Variants in CEP83 observed in about 807,000 individuals in gnomAD.
The protein encoded by CEP83 is centrosomal protein 83, also known as centrosomal protein of 83 kDa.
Under a neutral mutation model 101.9 loss-of-function variants are expected in CEP83, and 70 were observed. The ratio of observed to expected loss-of-function variants is 0.69; its 90% CI spans 0.57 to 0.84. The LOEUF (loss-of-function observed/expected upper bound fraction) is 0.84. Among genes scored for constraint, CEP83 ranks in the 40% least tolerant of loss-of-function variants. CEP83 has a pLI of 0.00. For synonymous variants in CEP83, 264 were observed against 267.9 expected (o/e 0.99, Z 0.14); for missense variants, 715 against 787.2 (o/e 0.91, Z 1.10).
chr12:94,396,864 T>G (rs917966352), intron 6 of CEP83, among the ~76,000 whole-genome samples: 7 of 152,228 alleles, frequency 4.6e-5, no homozygotes, highest in African/African-American at 1.7e-4. Context: ...TACACTAGTT[T>G]AAATTGTAAA....
chr12:94,455,857 C>T (rs1410003238), intron 1 of CEP83, among the ~76,000 whole-genome samples: 1 of 151,930 alleles, frequency 6.6e-6, no homozygotes, highest in Non-Finnish European at 1.5e-5. Context: ...ACCAGCCTGG[C>T]CAATGTGGTG....
chr12:94,305,356 ACT>A, downstream of CEP83: 1 of 831,650 alleles, frequency 1.2e-6, no homozygotes, highest in Non-Finnish European at 2.0e-6. Flanking sequence ...TGCTTGAGCT[ACT>A]CTGTGTCGTT....
rs377219975 is a variant in CEP83, at chr12:94,339,752, G to A, written c.1344-4088C>T. Among the ~76,000 whole-genome samples the A allele has an allele frequency of 4.6e-5, 7 of 152,278 alleles. 1 individual carries two copies. The highest frequency in any genetic ancestry group is 1.7e-4 in the African/African-American group (7 of 41,560). ...CCTTCTGAAAGCATGGTTCTTGCTT[G>A]TGAGCACTGGAAATTGACACTGGCC... On this transcript the variant is annotated intron_variant, in intron 11 of 16. Coordinates refer to ENST00000397809, the MANE Select transcript of CEP83 (RefSeq NM_016122.3).
chr12:94,418,702 T>C (rs566597707), intron 2 of CEP83, among the ~76,000 whole-genome samples: 8 of 152,302 alleles, frequency 5.3e-5, no homozygotes, highest in African/African-American at 9.6e-5. Flanking sequence ...AAGGTTTTCT[T>C]TGATGTGGTA....
intron 2 of CEP83, among the ~76,000 whole-genome samples, chr12:94,433,203 G>A (rs942917802): frequency 4.6e-4 from 70 of 152,086 alleles, no homozygotes; most frequent in African/African-American, 1.6e-3. Context: ...CTTTTAGATG[G>A]ATAGAAGACA....
chr12:94,349,052 G>A (rs568614239), intron 11 of CEP83, among the ~76,000 whole-genome samples: 7 of 152,200 alleles, frequency 4.6e-5, no homozygotes, highest in Non-Finnish European at 8.8e-5. Flanking sequence ...TTGGGAGGCC[G>A]AGGTGGGTGG....
the CEP83 span, among the ~76,000 whole-genome samples, chr12:94,286,831 CAG>C: frequency 7.9e-5 from 12 of 152,098 alleles, no homozygotes; most frequent in Non-Finnish European, 1.2e-4. Context: ...TTAGGGCAAA[CAG>C]AGTGTAGCTG....
At chr12:94,351,921 C>T (rs1316917305) in intron 11 of CEP83, among the ~76,000 whole-genome samples, 1 of 152,230 alleles carries the variant, frequency 6.6e-6, no homozygotes, top group African/African-American at 2.4e-5. Flanking sequence ...CACTGAGGTA[C>T]TTGCAGACAC....
the CEP83 span, among the ~76,000 whole-genome samples, chr12:94,291,818 C>T: frequency 1.1e-4 from 17 of 152,148 alleles, no homozygotes; most frequent in Non-Finnish European, 1.5e-4. Context: ...CAAGGGTATA[C>T]TGCATGATGC....
intron 11 of CEP83, among the ~76,000 whole-genome samples, chr12:94,341,851 T>C (rs998406129): frequency 1.3e-5 from 2 of 152,318 alleles, no homozygotes; most frequent in African/African-American, 4.8e-5. Flanking sequence ...TTTATCACTA[T>C]GGCAACAGAA....
chr12:94,335,987 G>A (rs1292266288), intron 11 of CEP83: 1 of 217,130 alleles, frequency 4.6e-6, no homozygotes. Flanking sequence ...TGAAAAAGTG[G>A]CCTTTCATGG....
the CEP83 span, among the ~76,000 whole-genome samples, chr12:94,287,445 C>T: frequency 2.6e-5 from 4 of 152,286 alleles, no homozygotes; most frequent in South Asian, 4.1e-4. Flanking sequence ...TCCTCTCACT[C>T]GCACCCTGCT....
chr12:94,376,682 T>C (rs1470188893), intron 7 of CEP83, among the ~76,000 whole-genome samples: 2 of 125,958 alleles, frequency 1.6e-5, no homozygotes, highest in African/African-American at 3.4e-5. Context: ...ATAATATATA[T>C]ACATATATAC....
intron 2 of CEP83, among the ~76,000 whole-genome samples, chr12:94,417,035 T>TA (rs1420031749): frequency 7.9e-5 from 12 of 152,192 alleles, no homozygotes; most frequent in African/African-American, 2.9e-4. Flanking sequence ...CTCGACTTGC[T>TA]AGGCACTATG....
intron 6 of CEP83, among the ~76,000 whole-genome samples, chr12:94,387,819 A>G (rs2062241653): frequency 6.6e-6 from 1 of 152,174 alleles, no homozygotes; most frequent in South Asian, 2.1e-4. Context: ...GCCAACAAAC[A>G]TGAAAAAAAT....
the CEP83 span, chr12:94,280,314 G>C: frequency 1.3e-5 from 2 of 156,948 alleles, no homozygotes; most frequent in African/African-American, 4.8e-5. Flanking sequence ...GACTGTCGTG[G>C]GATTTTATAG....
intron 8 of CEP83, among the ~76,000 whole-genome samples, chr12:94,371,839 A>G (rs1403487771): frequency 6.6e-6 from 1 of 152,216 alleles, no homozygotes; most frequent in Non-Finnish European, 1.5e-5. Flanking sequence ...ATCCTCATCC[A>G]AAGGAAATAA....
chr12:94,283,378 A>C, the CEP83 span, among the ~76,000 whole-genome samples: 1 of 152,192 alleles, frequency 6.6e-6, no homozygotes, highest in Non-Finnish European at 1.5e-5. Flanking sequence ...AGGGGGAAGG[A>C]GGGCAGTGAC....
chr12:94,274,190 T>C, the CEP83 span, among the ~76,000 whole-genome samples: 2 of 123,138 alleles, frequency 1.6e-5, no homozygotes, highest in Non-Finnish European at 3.2e-5. Flanking sequence ...AAAAAAAATT[T>C]AGCCAAGCAT....
Sources: gnomAD v4.1 joint callset for allele counts (sites outside exome capture counted in the v4.1 genomes callset) on GRCh38, gnomAD v4.1.1 for gene constraint, MANE v1.5 for transcripts, NCBI Gene and HGNC (gene_info 2026-07-23, HGNC 2026-07-21) for gene names.